KCNQ1: variants seen among roughly 807,000 people sequenced by gnomAD.
KCNQ1 encodes the protein potassium voltage-gated channel subfamily KQT member 1.
A neutral mutation model predicts 72.4 loss-of-function variants in KCNQ1; 49 were observed. The ratio of observed to expected loss-of-function variants is 0.68; its 90% confidence interval spans 0.54 to 0.86. The LOEUF (loss-of-function observed/expected upper bound fraction) is 0.86. Among genes scored for constraint, KCNQ1 ranks in the 40% least tolerant of loss-of-function variants. The pLI is 0.00. For synonymous variants in KCNQ1, 450 were observed against 412.6 expected (o/e 1.09, Z -1.10); for missense variants, 790 against 945.1 (o/e 0.84, Z 2.15).
At position 2,503,711 on chromosome 11, in the gene KCNQ1, CAAAT is replaced by C. The variant is rs1379156104; in HGVS notation, c.387-24208_387-24205del. On this transcript the variant is annotated intron_variant, in intron 1 of 15. Transcript: ENST00000155840. ...ATAATAATAATAAAAAAACAAATGACAAATAAATAAATGAAAAGGTACTCAACGT... is the reference window on the plus strand; with the variant it reads ...ATAATAATAATAAAAAAACAAATGACAAATAAATGAAAAGGTACTCAACGT... Among the ~76,000 whole-genome samples the C allele has an allele frequency of 7.9e-5, 12 of 152,128 alleles. 1 individual carries two copies. In the South Asian group the frequency reaches 1.2e-3, roughly 16 times the overall value.
At position 2,565,280 on chromosome 11, in the gene KCNQ1, G is replaced by A. The variant is rs189895173; in HGVS notation, c.478-5348G>A. On this transcript the variant is annotated intron_variant, in intron 2 of 15. Coordinates refer to ENST00000155840, the MANE Select transcript of KCNQ1 (RefSeq NM_000218.3). The surrounding 1 kb of genome is among the most constrained non-coding windows in gnomAD (Gnocchi z 5.6). ...TCCCAACTTCTCCGGATCCTTGGGA[G>A]CACTTGTCACTCTGTTTGGGGTGGC... Among the ~76,000 whole-genome samples, 10 of 152,272 alleles carry A rather than the reference G, an allele frequency of 6.6e-5. No individual in the cohort carries two copies. Among genetic ancestry groups the A allele is most frequent in the African/African-American group, 2.4e-4 (10 of 41,556 alleles).
At position 2,752,387 on chromosome 11, in the gene KCNQ1, G is replaced by A. The variant is rs1846240278; in HGVS notation, c.1515-16457G>A. The stretch of plus-strand genomic sequence containing the variant: ...GTTTCATTGAGCAGCTTGTTTAGCT[G>A]GTGTGTGCCAGGTGGTCTCTCGGGG... On this transcript the variant is annotated intron_variant, in intron 11 of 15. Coordinates refer to ENST00000155840, the MANE Select transcript of KCNQ1 (RefSeq NM_000218.3). This position sits in a 1 kb window ranked among gnomAD's most constrained non-coding sequence, Gnocchi z 5.2. Among the ~76,000 whole-genome samples, 1 of 151,722 alleles carries A rather than the reference G, an allele frequency of 6.6e-6. No individual in the cohort carries two copies. Among genetic ancestry groups the A allele is most frequent in the Non-Finnish European group, 1.5e-5 (1 of 67,968 alleles).
At chr11:2,771,764 C>G (rs745852993) in intron 12 of KCNQ1, among the ~76,000 whole-genome samples, 5 of 152,112 alleles carry the variant, frequency 3.3e-5, no homozygotes, top group Non-Finnish European at 5.9e-5. Flanking sequence ...ATCATCTGCG[C>G]CAGCCCCAGC....
At position 2,541,612 on chromosome 11, in the gene KCNQ1, CT is replaced by C. The variant is rs1271975074; in HGVS notation, c.477+13597del. ...GTTTTCGGGATGCTTGTGAGCAGGG[CT>C]TTGTCCCCACCGTTAGGATACTCTG... On this transcript the variant is annotated intron_variant, in intron 2 of 15. Coordinates refer to ENST00000155840, the MANE Select transcript of KCNQ1 (RefSeq NM_000218.3). The surrounding 1 kb of genome is among the most constrained non-coding windows in gnomAD (Gnocchi z 4.8). Among the ~76,000 whole-genome samples, 2 of 151,888 alleles carry C rather than the reference CT, an allele frequency of 1.3e-5. No homozygotes were observed. The highest frequency in any genetic ancestry group is 2.9e-5 in the Non-Finnish European group (2 of 68,000).
At chr11:2,662,110 G>A (rs1444602955) in intron 11 of KCNQ1, 29 bp downstream of exon 11, 2 of 1,613,896 alleles carry the variant, frequency 1.2e-6, no homozygotes, top group Non-Finnish European at 1.7e-6. Flanking sequence ...GTGAAGGGCT[G>A]GGCTGGAGGG....
intron 15 of KCNQ1, among the ~76,000 whole-genome samples, chr11:2,797,216 C>A (rs1426174140): frequency 6.6e-6 from 1 of 152,144 alleles, no homozygotes; most frequent in Non-Finnish European, 1.5e-5. Context: ...GGGGGCTGGG[C>A]CACGGAGAGG....
At position 2,678,613 on chromosome 11, in the gene KCNQ1, C is replaced by A. The variant is rs1850334688; in HGVS notation, c.1514+16532C>A. Reference sequence around the variant, plus strand: ...TGTGTAGCAGGACTCCCCCTCATCTCCATTACTTAAGAGCCAATAATGGGA... The same window carrying A: ...TGTGTAGCAGGACTCCCCCTCATCTACATTACTTAAGAGCCAATAATGGGA... On this transcript the variant is annotated intron_variant, in intron 11 of 15. Transcript: ENST00000155840. This position sits in a 1 kb window ranked among gnomAD's most constrained non-coding sequence, Gnocchi z 4.9. 5.0e-6 allele frequency: 2 copies of A among 398,490 alleles called. No homozygotes were observed. The highest frequency in any genetic ancestry group is 6.3e-4 in the Middle Eastern group (1 of 1,588). 24.7% of individuals were successfully genotyped at this position (398,490 alleles called of 1,614,324 possible). A position where few individuals can be genotyped will look rare whatever the true frequency, so the allele number is the denominator to read the frequency against.
At chr11:2,555,251 A>T (rs1848051733) in intron 2 of KCNQ1, among the ~76,000 whole-genome samples, 5 of 152,212 alleles carry the variant, frequency 3.3e-5, no homozygotes, top group Admixed American at 6.5e-5. Flanking sequence ...TGACATTTTT[A>T]GAAGCTTCGG....
Position 2,624,002 on chromosome 11 carries a change from C to G in KCNQ1, c.1393+35148C>G. ...TTACATTCCCATTAATGGTATATGTCAAAGTGGCTGTACCATTTTGCATTC... is the reference window on the plus strand; with the variant it reads ...TTACATTCCCATTAATGGTATATGTGAAAGTGGCTGTACCATTTTGCATTC... On this transcript the variant is annotated intron_variant, in intron 10 of 15. Transcript: ENST00000155840. The surrounding 1 kb of genome is among the most constrained non-coding windows in gnomAD (Gnocchi z 4.9). 2.5e-6 allele frequency: 1 copy of G among 399,064 alleles called. No individual in the cohort carries two copies. The allele number at this position is 399,064 out of a possible 1,614,324, so 24.7% of individuals were successfully genotyped here. A position where few individuals can be genotyped will look rare whatever the true frequency, so the allele number is the denominator to read the frequency against.
chr11:2,773,688 T>G (rs1846640071), intron 12 of KCNQ1, among the ~76,000 whole-genome samples: 1 of 151,108 alleles, frequency 6.6e-6, no homozygotes, highest in African/African-American at 2.4e-5. Context: ...ATCTCCATCT[T>G]ACAGGAGGGA....
intron 15 of KCNQ1, among the ~76,000 whole-genome samples, chr11:2,796,956 C>T (rs1040304658): frequency 3.3e-5 from 5 of 152,226 alleles, no homozygotes; most frequent in African/African-American, 1.2e-4. Context: ...CTGTCCCGGG[C>T]CTAACCCCCC....
In KCNQ1 at chr11:2,663,628, C is replaced by T. The variant is rs1850009684; in HGVS notation, c.1514+1547C>T. The T allele has an allele frequency of 5.0e-6, 2 of 398,592 alleles. No individual in the cohort carries two copies. Among genetic ancestry groups the T allele is most frequent in the Non-Finnish European group, 8.8e-6 (2 of 226,130 alleles). 24.7% of individuals were successfully genotyped at this position (398,592 alleles called of 1,614,324 possible). A position where few individuals can be genotyped will look rare whatever the true frequency, so the allele number is the denominator to read the frequency against. On this transcript the variant is annotated intron_variant, in intron 11 of 15. Transcript: ENST00000155840. This position sits in a 1 kb window ranked among gnomAD's most constrained non-coding sequence, Gnocchi z 5.2. ...TCTTGGTCACGGACCAGCATCCAGA[C>T]ATGCAAAAAGTCCTACTGGGAGGAG...
At chr11:2,552,111 G>A (rs936108220) in intron 2 of KCNQ1, among the ~76,000 whole-genome samples, 5 of 151,760 alleles carry the variant, frequency 3.3e-5, no homozygotes, top group Admixed American at 6.6e-5. Context: ...AATTCATCAG[G>A]GTTCTTCTTT....
chr11:2,813,258 G>T lies in KCNQ1; in HGVS notation c.1795-34509G>T, dbSNP rs1024031516. Among the ~76,000 whole-genome samples the T allele has an allele frequency of 2.6e-5, 4 of 152,186 alleles. No individual in the cohort carries two copies. The highest frequency in any genetic ancestry group is 5.9e-5 in the Non-Finnish European group (4 of 68,034). ...AAGGTGCCTGGAGTAGCTTATGGAG[G>T]TCACTGATGGCCTCAGGATGCCAGC... On this transcript the variant is annotated intron_variant, in intron 15 of 15. Transcript: ENST00000155840. This position sits in a 1 kb window ranked among gnomAD's most constrained non-coding sequence, Gnocchi z 4.4.
In KCNQ1 at chr11:2,623,759, A is replaced by C; in HGVS notation, c.1393+34905A>C. On this transcript the variant is annotated intron_variant, in intron 10 of 15. Coordinates refer to ENST00000155840, the MANE Select transcript of KCNQ1 (RefSeq NM_000218.3). The surrounding 1 kb of genome is among the most constrained non-coding windows in gnomAD (Gnocchi z 5.2). ...CTGTGCAGATTTTTATGTGAATATA[A>C]GTCTTCACCTCCTTTGAGTAAATAC... 2.5e-6 allele frequency: 1 copy of C among 398,578 alleles called. No homozygotes were observed. The highest frequency in any genetic ancestry group is 4.4e-6 in the Non-Finnish European group (1 of 226,044). The allele number at this position is 398,578 out of a possible 1,614,324, so 24.7% of individuals were successfully genotyped here. A position where few individuals can be genotyped will look rare whatever the true frequency, so the allele number is the denominator to read the frequency against.
chr11:2,548,145 G>C lies in KCNQ1; in HGVS notation c.477+20127G>C, dbSNP rs116970715. ...CTGGTAGAGGCCAGGCCCAGGATAA[G>C]GTGGCGGCAGGCAGGTCTCTAAGCA... On this transcript the variant is annotated intron_variant, in intron 2 of 15. Coordinates refer to ENST00000155840, the MANE Select transcript of KCNQ1 (RefSeq NM_000218.3). Among the ~76,000 whole-genome samples the C allele has an allele frequency of 3.9e-3, 589 of 152,308 alleles. 1 individual carries two copies. Among genetic ancestry groups the C allele is most frequent in the Non-Finnish European group, 6.0e-3 (409 of 68,038 alleles).
intron 15 of KCNQ1, among the ~76,000 whole-genome samples, chr11:2,810,620 G>A (rs947609348): frequency 6.6e-6 from 1 of 152,216 alleles, no homozygotes. Context: ...GGAGACTCCA[G>A]ATACATCTTA....
rs531598790 is a variant in KCNQ1, at chr11:2,734,762, C to T, written c.1515-34082C>T. On this transcript the variant is annotated intron_variant, in intron 11 of 15. Transcript: ENST00000155840. The surrounding 1 kb of genome is among the most constrained non-coding windows in gnomAD (Gnocchi z 7.0). ...TAGACAGAAGCGAGGGCAAGACCAC[C>T]GCTCCTCCGCCATAAACCGTGTTGG... Among the ~76,000 whole-genome samples, 4 of 151,974 alleles carry T rather than the reference C, an allele frequency of 2.6e-5. No homozygotes were observed. Among genetic ancestry groups the T allele is most frequent in the Admixed American group, 6.5e-5 (1 of 15,286 alleles).
chr11:2,488,494 G>A lies in KCNQ1; in HGVS notation c.387-39434G>A, dbSNP rs1256365238. On this transcript the variant is annotated intron_variant, in intron 1 of 15. Coordinates refer to ENST00000155840, the MANE Select transcript of KCNQ1 (RefSeq NM_000218.3). This position sits in a 1 kb window ranked among gnomAD's most constrained non-coding sequence, Gnocchi z 5.1. ...AGCCATCAGGTCCAGGCTTTTCTTTGTTGAGAGTTTTTTGATTACTGATTC... is the reference window on the plus strand; with the variant it reads ...AGCCATCAGGTCCAGGCTTTTCTTTATTGAGAGTTTTTTGATTACTGATTC... Among the ~76,000 whole-genome samples, 1 of 152,120 alleles carries A rather than the reference G, an allele frequency of 6.6e-6. No homozygotes were observed. Among genetic ancestry groups the A allele is most frequent in the Non-Finnish European group, 1.5e-5 (1 of 68,008 alleles).
Sources: gnomAD v4.1 joint callset for allele counts (sites outside exome capture counted in the v4.1 genomes callset) on GRCh38, gnomAD v4.1.1 for gene constraint, Gnocchi (gnomAD v3.1) non-coding constraint, MANE v1.5 for transcripts, NCBI Gene and HGNC (gene_info 2026-07-23, HGNC 2026-07-21) for gene names.